The following RBFOX1 variants were observed in gnomAD, a reference collection of about 807,000 sequenced individuals.
RBFOX1 encodes RNA binding protein fox-1 homolog 1.
RBFOX1 carries 8 observed loss-of-function variants against 57.7 expected under a neutral mutation model. The observed-to-expected ratio is 0.14, with a 90% CI of 0.08 to 0.25. The LOEUF (loss-of-function observed/expected upper bound fraction) is 0.25. Ranked by LOEUF, RBFOX1 falls within the 10% of genes least tolerant of loss-of-function variation. RBFOX1 has a pLI of 1.00. For synonymous variants in RBFOX1, 326 were observed against 222.4 expected (o/e 1.47, Z -4.15); for missense variants, 611 against 548.5 (o/e 1.11, Z -1.14).
At chr16:7,391,563 G>T (rs192584118) in intron 4 of RBFOX1, among the ~76,000 whole-genome samples, 133 of 152,192 alleles carry the variant, frequency 8.7e-4, no homozygotes, top group Non-Finnish European at 1.7e-3. Flanking sequence ...TCACTGACTT[G>T]GTTAAGTACC....
intron 4 of RBFOX1, among the ~76,000 whole-genome samples, chr16:7,370,000 A>G (rs1376089823): frequency 6.6e-6 from 1 of 152,178 alleles, no homozygotes; most frequent in Non-Finnish European, 1.5e-5. Context: ...TGATCCCAGA[A>G]TTCATACTTT....
chr16:5,291,069 A>T (rs2063521984), intron 1 of RBFOX1, among the ~76,000 whole-genome samples: 1 of 152,144 alleles, frequency 6.6e-6, no homozygotes. Flanking sequence ...TCAGGAAATG[A>T]GGCTGGAGAA....
intron 3 of RBFOX1, among the ~76,000 whole-genome samples, chr16:5,735,154 T>C (rs1331167857): frequency 1.3e-5 from 2 of 152,164 alleles, no homozygotes; most frequent in South Asian, 2.1e-4. Flanking sequence ...CACAGAGATA[T>C]TACCCCTGGC....
intron 4 of RBFOX1, among the ~76,000 whole-genome samples, chr16:7,263,931 A>C (rs957142058): frequency 6.6e-6 from 1 of 151,248 alleles, no homozygotes; most frequent in African/African-American, 2.4e-5. Context: ...AAAAAAAAAA[A>C]AAAAACAAGT....
chr16:7,174,138 C>G (rs914077830), intron 4 of RBFOX1, among the ~76,000 whole-genome samples: 1 of 152,048 alleles, frequency 6.6e-6, no homozygotes, highest in African/African-American at 2.4e-5. Flanking sequence ...AATGTGTGAT[C>G]TGCATCTGGA....
At chr16:7,411,051 T>G (rs1375909581) in intron 4 of RBFOX1, among the ~76,000 whole-genome samples, 1 of 152,146 alleles carries the variant, frequency 6.6e-6, no homozygotes, top group Non-Finnish European at 1.5e-5. Flanking sequence ...GTTTAAGCAA[T>G]TCTTGTGCCT....
At chr16:5,324,244 C>G (rs888013674) in intron 1 of RBFOX1, among the ~76,000 whole-genome samples, 3 of 152,206 alleles carry the variant, frequency 2.0e-5, no homozygotes, top group African/African-American at 7.2e-5. Flanking sequence ...AGGTGGATCA[C>G]TTGAAGTCAG....
At chr16:7,513,633 CTG>C (rs1454458700) in intron 4 of RBFOX1, among the ~76,000 whole-genome samples, 2 of 152,170 alleles carry the variant, frequency 1.3e-5, no homozygotes, top group African/African-American at 2.4e-5. Context: ...TGTGACAAAA[CTG>C]TCTCCAGTCA....
At chr16:6,915,989 A>G (rs1421504963) in intron 3 of RBFOX1, among the ~76,000 whole-genome samples, 1 of 148,298 alleles carries the variant, frequency 6.7e-6, no homozygotes, top group Non-Finnish European at 1.5e-5. Flanking sequence ...TTTGACATTA[A>G]AAGCTGTTTT....
chr16:6,839,091 T>G (rs986496703), intron 3 of RBFOX1, among the ~76,000 whole-genome samples: 1 of 151,914 alleles, frequency 6.6e-6, no homozygotes, highest in Non-Finnish European at 1.5e-5. Context: ...TTCAAGTGAT[T>G]CTCCCGCCTC....
intron 1 of RBFOX1, among the ~76,000 whole-genome samples, chr16:5,391,541 T>C (rs962405618): frequency 6.6e-6 from 1 of 152,100 alleles, no homozygotes; most frequent in Non-Finnish European, 1.5e-5. Flanking sequence ...CTTTATTCCA[T>C]CTGTGGCTTA....
chr16:6,899,674 A>G (rs537338740), intron 3 of RBFOX1, among the ~76,000 whole-genome samples: 27 of 152,338 alleles, frequency 1.8e-4, no homozygotes, highest in South Asian at 4.1e-4. Flanking sequence ...GCAAGTGTCA[A>G]TTGGAATTAT....
chr16:5,729,039 C>T (rs932891537), intron 3 of RBFOX1, among the ~76,000 whole-genome samples: 4 of 152,218 alleles, frequency 2.6e-5, no homozygotes, highest in African/African-American at 7.2e-5. Context: ...CCAATACTCT[C>T]AGGTCCAACT....
chr16:7,191,322 C>T lies in RBFOX1; in HGVS notation c.27+139224C>T, dbSNP rs148057696. ...CCTCTTTCTAATAAGACGTATAATC[C>T]GTTGCTGACAAAAAAAGAAAAAAAA... On this transcript the variant is annotated intron_variant, in intron 4 of 15. Coordinates refer to ENST00000550418, the MANE Select transcript of RBFOX1 (RefSeq NM_018723.4). Among the ~76,000 whole-genome samples, 384 of 140,348 alleles carry T rather than the reference C, an allele frequency of 2.7e-3. 1 individual carries two copies. The highest frequency in any genetic ancestry group is 9.7e-3 in the African/African-American group (362 of 37,254). 92.1% of individuals were successfully genotyped at this position (140,348 alleles called of 152,430 possible).
At chr16:5,867,061 A>G (rs979684230) in intron 3 of RBFOX1, among the ~76,000 whole-genome samples, 2 of 152,152 alleles carry the variant, frequency 1.3e-5, no homozygotes, top group African/African-American at 4.8e-5. Flanking sequence ...AGATTGTTAT[A>G]ATATGTTGAA....
chr16:5,405,479 A>ATGAT (rs2066839972), intron 1 of RBFOX1, among the ~76,000 whole-genome samples: 1 of 152,206 alleles, frequency 6.6e-6, no homozygotes, highest in African/African-American at 2.4e-5. Flanking sequence ...CTCCCCAGCC[A>ATGAT]TGTGGAACTG....
chr16:7,456,203 A>G (rs1180469647), intron 4 of RBFOX1, among the ~76,000 whole-genome samples: 2 of 152,204 alleles, frequency 1.3e-5, no homozygotes, highest in African/African-American at 4.8e-5. Context: ...TACCCACAGC[A>G]TCCATCCCTT....
chr16:6,473,321 C>T (rs1470065836), intron 2 of RBFOX1, among the ~76,000 whole-genome samples: 1 of 152,212 alleles, frequency 6.6e-6, no homozygotes, highest in East Asian at 1.9e-4. Flanking sequence ...ACAGCAAGTG[C>T]TCAATTAATC....
chr16:7,408,245 A>AT (rs142479719), intron 4 of RBFOX1, among the ~76,000 whole-genome samples: 5 of 151,838 alleles, frequency 3.3e-5, no homozygotes, highest in East Asian at 1.9e-4. Context: ...AATCATTTAG[A>AT]TTTTTTTTTC....
Sources: gnomAD v4.1 joint callset for allele counts (sites outside exome capture counted in the v4.1 genomes callset) on GRCh38, gnomAD v4.1.1 for gene constraint, MANE v1.5 for transcripts, NCBI Gene and HGNC (gene_info 2026-07-23, HGNC 2026-07-21) for gene names.